The following NUBPL variants were observed in gnomAD, a reference collection of about 807,000 sequenced individuals.
The protein encoded by NUBPL is iron-sulfur cluster transfer protein NUBPL.
Under a neutral mutation model 45.7 loss-of-function variants are expected in NUBPL, and 31 were observed. That is an observed-to-expected ratio of 0.68 (90% CI 0.51 to 0.92). The LOEUF is 0.92. Ranked by LOEUF, NUBPL falls within the 40% of genes least tolerant of loss-of-function variation. NUBPL has a pLI of 0.00. For synonymous variants in NUBPL, 144 were observed against 140.9 expected (o/e 1.02, Z -0.15); for missense variants, 401 against 398.7 (o/e 1.01, Z -0.05).
chr14:31,673,643 G>T, intron 6 of NUBPL, 69 bp downstream of exon 6: 1 of 1,375,428 alleles, frequency 7.3e-7, no homozygotes, highest in Non-Finnish European at 1.0e-6. Flanking sequence ...GCTGATTGGA[G>T]AATTGTTAAA....
intron 7 of NUBPL, among the ~76,000 whole-genome samples, chr14:31,822,678 C>T (rs1218203380): frequency 6.6e-6 from 1 of 151,912 alleles, no homozygotes; most frequent in African/African-American, 2.4e-5. Context: ...CAAAATACCC[C>T]ATATATTTCT....
At chr14:31,753,665 G>A (rs1252858761) in intron 6 of NUBPL, among the ~76,000 whole-genome samples, 2 of 152,146 alleles carry the variant, frequency 1.3e-5, no homozygotes, top group Non-Finnish European at 2.9e-5. Context: ...GGGAGTGGGG[G>A]TTGCCAGTGT....
At position 31,561,707 on chromosome 14, in the gene NUBPL, T is replaced by C. The variant is rs1260833307; in HGVS notation, c.108+160T>C. 6 of 555,200 alleles carry C rather than the reference T, an allele frequency of 1.1e-5. No homozygotes were observed. The South Asian group carries it at 1.7e-4, about 16-fold the overall frequency. The allele number at this position is 555,200 out of a possible 1,614,324, so 34.4% of individuals were successfully genotyped here. Reference sequence around the variant, plus strand: ...TTTCAGGCAGGCCCAGGCTGAGGCGTGGCGGGACTTGAAACACAGTTAGAA... The same window carrying C: ...TTTCAGGCAGGCCCAGGCTGAGGCGCGGCGGGACTTGAAACACAGTTAGAA... On this transcript the variant is annotated intron_variant, in intron 1 of 10. Coordinates refer to ENST00000281081, the MANE Select transcript of NUBPL (RefSeq NM_025152.3).
chr14:31,655,090 G>A (rs980968731), intron 4 of NUBPL, among the ~76,000 whole-genome samples: 4 of 152,064 alleles, frequency 2.6e-5, no homozygotes, highest in Non-Finnish European at 5.9e-5. Flanking sequence ...CATGAGGGTT[G>A]GAATCAACTT....
chr14:31,721,789 C>T (rs1042793915), intron 6 of NUBPL, among the ~76,000 whole-genome samples: 1 of 151,948 alleles, frequency 6.6e-6, no homozygotes, highest in African/African-American at 2.4e-5. Context: ...TAAGTAGACC[C>T]CAGTGTCTGT....
intron 4 of NUBPL, among the ~76,000 whole-genome samples, chr14:31,665,517 T>G (rs895759153): frequency 6.6e-6 from 1 of 152,220 alleles, no homozygotes; most frequent in African/African-American, 2.4e-5. Flanking sequence ...TTTTTCAGTT[T>G]CCACGTAGTT....
intron 4 of NUBPL, among the ~76,000 whole-genome samples, chr14:31,650,245 A>G (rs1452757315): frequency 1.3e-5 from 2 of 151,986 alleles, no homozygotes; most frequent in African/African-American, 4.8e-5. Flanking sequence ...GTGTAAAGAT[A>G]GAGCCTAACT....
chr14:31,613,379 T>C (rs2034812228), intron 4 of NUBPL, among the ~76,000 whole-genome samples: 1 of 152,130 alleles, frequency 6.6e-6, no homozygotes, highest in Non-Finnish European at 1.5e-5. Flanking sequence ...AGATGAACTA[T>C]TTGATAGCAC....
intron 8 of NUBPL, among the ~76,000 whole-genome samples, chr14:31,840,288 A>G (rs535757892): frequency 1.9e-4 from 29 of 152,172 alleles, no homozygotes; most frequent in Non-Finnish European, 4.0e-4. Context: ...AAAAGAGAGA[A>G]ATTGGCCAGG....
At chr14:31,786,339 G>A (rs913707374) in intron 6 of NUBPL, among the ~76,000 whole-genome samples, 12 of 152,132 alleles carry the variant, frequency 7.9e-5, no homozygotes, top group East Asian at 1.9e-4. Flanking sequence ...CGTCTTGAGC[G>A]TCTCCTGTTA....
intron 6 of NUBPL, among the ~76,000 whole-genome samples, chr14:31,732,193 C>CAAAAAAA (rs10643173): frequency 6.3e-5 from 5 of 79,772 alleles, no homozygotes; most frequent in African/African-American, 3.1e-4. Flanking sequence ...GACTCTGTCT[C>CAAAAAAA]AAAAAAAAAA....
chr14:31,673,648 G>A, intron 6 of NUBPL, 74 bp downstream of exon 6: 1 of 1,308,840 alleles, frequency 7.6e-7, no homozygotes, highest in Non-Finnish European at 1.1e-6. Flanking sequence ...TTGGAGAATT[G>A]TTAAAATTTG....
chr14:31,702,018 G>T lies in NUBPL; in HGVS notation c.513+28444G>T, dbSNP rs186298510. 2.1e-3 allele frequency among the ~76,000 whole-genome samples: 320 copies of T among 152,308 alleles called. 1 individual carries two copies. The highest frequency in any genetic ancestry group is 7.3e-3 in the African/African-American group (305 of 41,570). Reference sequence around the variant, plus strand: ...CTTACTTTTGACATTGACTGCAAGTGTAGGGGTTCCCAAGATCACCCTTAA... The same window carrying T: ...CTTACTTTTGACATTGACTGCAAGTTTAGGGGTTCCCAAGATCACCCTTAA... On this transcript the variant is annotated intron_variant, in intron 6 of 10. Transcript: ENST00000281081.
At chr14:31,780,349 G>A (rs144538274) in intron 6 of NUBPL, among the ~76,000 whole-genome samples, 24 of 152,116 alleles carry the variant, frequency 1.6e-4, no homozygotes, top group Non-Finnish European at 2.2e-4. Flanking sequence ...AATTACAGGC[G>A]TGAGCCACTG....
At chr14:31,828,964 A>G (rs1723555278) in intron 8 of NUBPL, among the ~76,000 whole-genome samples, 1 of 152,234 alleles carries the variant, frequency 6.6e-6, no homozygotes. Flanking sequence ...GCAAGGAAGT[A>G]TTGTGAGGAA....
In NUBPL at chr14:31,729,285, C is replaced by G. The variant is rs1405055164; in HGVS notation, c.513+55711C>G. ...CAGAGAGATGCTCCATCCCCCCCCC[C>G]CCCAAAAAAAAAGTCATTCAACAAA... On this transcript the variant is annotated intron_variant, in intron 6 of 10. Coordinates refer to ENST00000281081, the MANE Select transcript of NUBPL (RefSeq NM_025152.3). Among the ~76,000 whole-genome samples the G allele has an allele frequency of 1.6e-4, 23 of 143,948 alleles. No individual in the cohort carries two copies. The East Asian group carries it at 2.7e-3, about 17-fold the overall frequency. The allele number at this position is 143,948 out of a possible 152,430, so 94.4% of individuals were successfully genotyped here. A position where few individuals can be genotyped will look rare whatever the true frequency, so the allele number is the denominator to read the frequency against.
intron 8 of NUBPL, among the ~76,000 whole-genome samples, chr14:31,840,356 G>T (rs1367342377): frequency 1.3e-5 from 2 of 152,066 alleles, no homozygotes; most frequent in Non-Finnish European, 2.9e-5. Flanking sequence ...GATGGATCAC[G>T]AGGTCAGGAG....
intron 6 of NUBPL, among the ~76,000 whole-genome samples, chr14:31,684,657 T>C (rs1595490581): frequency 6.6e-6 from 1 of 152,236 alleles, no homozygotes; most frequent in South Asian, 2.1e-4. Flanking sequence ...TGGTTTAAGA[T>C]GATGTAGTCC....
intron 8 of NUBPL, among the ~76,000 whole-genome samples, chr14:31,836,910 C>G (rs189053985): frequency 6.6e-6 from 1 of 152,186 alleles, no homozygotes; most frequent in Admixed American, 6.5e-5. Flanking sequence ...ATGTATATAA[C>G]TGTTGTATGA....
Sources: allele counts gnomAD v4.1 joint callset (sites outside exome capture counted in the v4.1 genomes callset), GRCh38; gene constraint gnomAD v4.1.1; transcripts MANE v1.5; gene names NCBI Gene and HGNC (gene_info 2026-07-23, HGNC 2026-07-21).